ZMIZ1: variants seen among roughly 807,000 people sequenced by gnomAD.
ZMIZ1 encodes the protein zinc finger MIZ domain-containing protein 1.
In ZMIZ1, 17 loss-of-function variants were observed where a neutral mutation model predicts 113.9. That is an observed-to-expected ratio of 0.15 (90% CI 0.10 to 0.22). The LOEUF is 0.22. Among genes scored for constraint, ZMIZ1 ranks in the 10% least tolerant of loss-of-function variants. The probability of loss-of-function intolerance (pLI) is 1.00; values close to 1 mark genes in which losing one functional copy is unlikely to be tolerated. For synonymous variants in ZMIZ1, 607 were observed against 603.1 expected, an observed-to-expected ratio of 1.01 and a Z score of -0.09; for missense variants, 1,059 against 1,477.8, an observed-to-expected ratio of 0.72 and a Z score of 4.65.
intron 1 of ZMIZ1, among the ~76,000 whole-genome samples, chr10:79,117,346 T>G (rs1389758169): frequency 6.6e-6 from 1 of 152,274 alleles, no homozygotes; most frequent in Non-Finnish European, 1.5e-5. Context: ...AGAGTCTTTT[T>G]GCCCTTCTTG....
intron 8 of ZMIZ1, among the ~76,000 whole-genome samples, chr10:79,283,263 A>G (rs867646425): frequency 8.3e-4 from 126 of 152,296 alleles, no homozygotes; most frequent in African/African-American, 2.9e-3. Context: ...CAGGTCGGGG[A>G]ACAGGCCCTG....
intron 7 of ZMIZ1, among the ~76,000 whole-genome samples, chr10:79,221,660 C>CA (rs1186538496): frequency 6.6e-6 from 1 of 152,212 alleles, no homozygotes; most frequent in Non-Finnish European, 1.5e-5. Context: ...AAGCACCAGG[C>CA]AGTCGCCATG....
At chr10:79,148,544 G>A (rs997306104) in intron 3 of ZMIZ1, among the ~76,000 whole-genome samples, 1 of 152,208 alleles carries the variant, frequency 6.6e-6, no homozygotes, top group African/African-American at 2.4e-5. Context: ...GCTGTTCTAG[G>A]AAACGCCTGT....
chr10:79,220,201 CT>C (rs1848907773), intron 7 of ZMIZ1, among the ~76,000 whole-genome samples: 2 of 152,272 alleles, frequency 1.3e-5, no homozygotes, highest in Admixed American at 6.5e-5. Flanking sequence ...GTGGGACCCC[CT>C]AATCATGGGA....
chr10:79,253,060 C>A (rs145686506), intron 7 of ZMIZ1, among the ~76,000 whole-genome samples: 2 of 152,236 alleles, frequency 1.3e-5, no homozygotes, highest in East Asian at 3.9e-4. Context: ...GCTTAAAAGT[C>A]CCAGAATTAA....
intron 4 of ZMIZ1, among the ~76,000 whole-genome samples, chr10:79,174,956 G>A (rs961477345): frequency 1.3e-5 from 2 of 152,254 alleles, no homozygotes; most frequent in African/African-American, 2.4e-5. Context: ...CTTCCATTGT[G>A]TGTCTTTGAC....
chr10:79,298,330 C>A (rs919645589), intron 14 of ZMIZ1, 76 bp from the exon 15 acceptor site: 3 of 1,481,198 alleles, frequency 2.0e-6, no homozygotes, highest in Non-Finnish European at 1.8e-6. Flanking sequence ...GGGATGAGTG[C>A]GGTGTATGTC....
chr10:79,291,164 G>A lies in ZMIZ1; in HGVS notation c.746G>A (p.Gly249Asp), dbSNP rs942550163. Reference protein sequence around the residue: ...YGRPNYPGSGGFGASYPGGPN... With the variant: ...YGRPNYPGSGDFGASYPGGPN... Reference sequence around the variant, plus strand: ...CGGCCCAACTACCCCGGCAGCGGGGGCTTTGGGGCCAGGTGAGCAGGGCTG... The same window carrying A: ...CGGCCCAACTACCCCGGCAGCGGGGACTTTGGGGCCAGGTGAGCAGGGCTG... The change falls in exon 10 of 25, where the codon GGC (glycine) becomes GAC (aspartate). Residue 249 changes from glycine (G) to aspartate (D), a missense_variant. Physicochemically the swap from Gly to Asp is moderately conservative, Grantham distance 94 (BLOSUM62 -1). Coordinates refer to ENST00000334512, the MANE Select transcript of ZMIZ1 (RefSeq NM_020338.4). 1 of 1,610,516 alleles carries A rather than the reference G, an allele frequency of 6.2e-7. No homozygotes were observed. Among genetic ancestry groups the A allele is most frequent in the Non-Finnish European group, 8.5e-7 (1 of 1,177,556 alleles).
In ZMIZ1 at chr10:79,304,099, A is replaced by C; in HGVS notation, c.2210A>C (p.Lys737Thr). 6.2e-7 allele frequency: 1 copy of C among 1,614,188 alleles called. No individual in the cohort carries two copies. Among genetic ancestry groups the C allele is most frequent in the Non-Finnish European group, 8.5e-7 (1 of 1,180,036 alleles). The change falls in exon 19 of 25, where the codon AAG (lysine) becomes ACG (threonine). Residue 737 changes from lysine (K) to threonine (T), a missense_variant. By Grantham distance (78) the Lys-to-Thr change is moderately conservative (BLOSUM62 -1). This residue lies in a region of ZMIZ1 where 217 missense variants were observed against 426.9 expected (regional missense o/e 0.51). Coordinates refer to ENST00000334512, the MANE Select transcript of ZMIZ1 (RefSeq NM_020338.4). Reference sequence around the variant, plus strand: ...GATGGGGTGGAGCAGACGGCCATCAAGGTGTCTCTGAAGTGCCCCATCACA... The same window carrying C: ...GATGGGGTGGAGCAGACGGCCATCACGGTGTCTCTGAAGTGCCCCATCACA... ...GEDGVEQTAI[K>T]VSLKCPITFR...
intron 4 of ZMIZ1, among the ~76,000 whole-genome samples, chr10:79,173,991 C>G (rs186035043): frequency 6.6e-6 from 1 of 152,192 alleles, no homozygotes; most frequent in African/African-American, 2.4e-5. Context: ...AATTTGTTTC[C>G]GATGGAGCTG....
chr10:79,101,095 A>T (rs745708965), intron 1 of ZMIZ1, among the ~76,000 whole-genome samples: 6 of 152,096 alleles, frequency 3.9e-5, no homozygotes, highest in Admixed American at 2.6e-4. Flanking sequence ...CAGGGTGTGG[A>T]CTTGGCTGCA....
chr10:79,257,927 G>T (rs1197661146), intron 7 of ZMIZ1, among the ~76,000 whole-genome samples: 1 of 152,240 alleles, frequency 6.6e-6, no homozygotes, highest in Non-Finnish European at 1.5e-5. Flanking sequence ...CCTCGCTTTT[G>T]TTGAGCATTT....
chr10:79,292,749 C>T, intron 11 of ZMIZ1: 2 of 470,268 alleles, frequency 4.3e-6, no homozygotes, highest in Non-Finnish European at 8.4e-6. Context: ...GACCAGTGCC[C>T]TCCTAGTCAC....
chr10:79,192,292 G>A (rs554266230), intron 4 of ZMIZ1, among the ~76,000 whole-genome samples: 1 of 152,386 alleles, frequency 6.6e-6, no homozygotes, highest in Admixed American at 6.5e-5. Flanking sequence ...TGTTTCCCCA[G>A]GAAACTGTCA....
intron 7 of ZMIZ1, among the ~76,000 whole-genome samples, chr10:79,242,766 T>A (rs1244327532): frequency 6.6e-6 from 1 of 151,806 alleles, no homozygotes; most frequent in African/African-American, 2.4e-5. Flanking sequence ...TCCAATTAAT[T>A]GCCTGGGCGG....
intron 8 of ZMIZ1, among the ~76,000 whole-genome samples, chr10:79,281,627 A>G (rs552549706): frequency 7.2e-5 from 11 of 152,356 alleles, no homozygotes; most frequent in African/African-American, 2.6e-4. Context: ...TCTTTGGGCC[A>G]TAAGTGGTCT....
intron 21 of ZMIZ1, 76 bp from the exon 22 acceptor site, chr10:79,306,024 T>C: frequency 6.4e-7 from 1 of 1,556,542 alleles, no homozygotes; most frequent in Non-Finnish European, 8.7e-7. Flanking sequence ...CCTGGGTGTC[T>C]GTCGGAGCTG....
chr10:79,306,727 C>CT (rs1854725794), intron 22 of ZMIZ1, among the ~76,000 whole-genome samples: 4 of 152,360 alleles, frequency 2.6e-5, no homozygotes, highest in Non-Finnish European at 5.9e-5. Flanking sequence ...CCCACTGGCC[C>CT]TTACGCTCCC....
In ZMIZ1 at chr10:79,314,396, G is replaced by A. The variant is rs775690075; in HGVS notation, c.*1647G>A. 1 of 374,380 alleles carries A rather than the reference G, an allele frequency of 2.7e-6. No individual in the cohort carries two copies. Among genetic ancestry groups the A allele is most frequent in the Non-Finnish European group, 5.4e-6 (1 of 186,524 alleles). The allele number at this position is 374,380 out of a possible 1,614,324, so 23.2% of individuals were successfully genotyped here. ...CCTCTGTGGGTTTTACCGGAAAGGT[G>A]GCCCCAGCTGTTGACTTCCAGTCAC... On this transcript the variant is annotated 3_prime_UTR_variant, in exon 25 of 25. Coordinates refer to ENST00000334512, the MANE Select transcript of ZMIZ1 (RefSeq NM_020338.4).
Sources: gnomAD v4.1 joint callset for allele counts (sites outside exome capture counted in the v4.1 genomes callset) on GRCh38, gnomAD v4.1.1 for gene constraint, gnomAD v4.1.1 regional missense constraint, MANE v1.5 for transcripts, NCBI Gene and HGNC (gene_info 2026-07-23, HGNC 2026-07-21) for gene names.